Variants in BCAS3 observed in about 807,000 individuals in gnomAD.
BCAS3 encodes BCAS3 microtubule associated cell migration factor.
BCAS3 carries 53 observed loss-of-function variants against 116.1 expected under a neutral mutation model. The ratio of observed to expected loss-of-function variants is 0.46; its 90% CI spans 0.37 to 0.57. BCAS3 has a LOEUF of 0.57. BCAS3 is among the 20% of genes least tolerant of loss of function. The probability of loss-of-function intolerance (pLI) is 0.00; values close to 1 mark genes in which losing one functional copy is unlikely to be tolerated. For missense variants in BCAS3, 917 were observed against 1,165.4 expected, an observed-to-expected ratio of 0.79 and a Z score of 3.10; for synonymous variants, 391 against 408.2, an observed-to-expected ratio of 0.96 and a Z score of 0.51.
At position 61,104,051 on chromosome 17, in the gene BCAS3, AC is replaced by A. The variant is rs2074490528; in HGVS notation, c.2425+19488del. Among the ~76,000 whole-genome samples, 2 of 152,222 alleles carry A rather than the reference AC, an allele frequency of 1.3e-5. No individual in the cohort carries two copies. Among genetic ancestry groups the A allele is most frequent in the Non-Finnish European group, 2.9e-5 (2 of 68,032 alleles). ...CAAAGCTTTATAGCCTATTAGAAGC[AC>A]AGTGTGGATTTTTCTTATGATACGT... On this transcript the variant is annotated intron_variant, in intron 22 of 23. Coordinates refer to ENST00000407086, the MANE Select transcript of BCAS3 (RefSeq NM_017679.5). The surrounding 1 kb of genome is among the most constrained non-coding windows in gnomAD (Gnocchi z 4.1).
At chr17:60,814,296 T>TGCGC (rs755687591) in intron 7 of BCAS3, among the ~76,000 whole-genome samples, 1 of 124,484 alleles carries the variant, frequency 8.0e-6, no homozygotes, top group East Asian at 2.0e-4. Flanking sequence ...TGTGTGTGTG[T>TGCGC]GTGTGTGTGT....
At chr17:60,779,209 A>G (rs1399600831) in intron 6 of BCAS3, among the ~76,000 whole-genome samples, 1 of 152,060 alleles carries the variant, frequency 6.6e-6, no homozygotes, top group Non-Finnish European at 1.5e-5. Context: ...CCCCCAAAAC[A>G]AAATTCAGAA....
chr17:60,974,734 A>T (rs2062186454), intron 14 of BCAS3, among the ~76,000 whole-genome samples: 1 of 152,214 alleles, frequency 6.6e-6, no homozygotes, highest in South Asian at 2.1e-4. Context: ...TAAATTTGCA[A>T]AACATTTAAT....
intron 22 of BCAS3, among the ~76,000 whole-genome samples, chr17:61,166,001 A>G (rs1665724946): frequency 6.6e-6 from 1 of 152,226 alleles, no homozygotes; most frequent in Admixed American, 6.5e-5. Context: ...ACCAAGTGAC[A>G]CTACATAATT....
At chr17:61,108,637 G>T (rs375575210) in intron 22 of BCAS3, among the ~76,000 whole-genome samples, 1 of 147,764 alleles carries the variant, frequency 6.8e-6, no homozygotes. Context: ...TAGGCTTTTG[G>T]GGAACAGGTG....
intron 11 of BCAS3, 108 bp downstream of exon 11, chr17:60,902,811 C>G (rs963480744): frequency 1.1e-6 from 1 of 885,554 alleles, no homozygotes; most frequent in Admixed American, 2.5e-5. Context: ...TTGTACTTAT[C>G]CAATTTTAAA....
intron 19 of BCAS3, among the ~76,000 whole-genome samples, chr17:61,067,375 G>C (rs1047827036): frequency 2.1e-5 from 3 of 143,268 alleles, no homozygotes; most frequent in Non-Finnish European, 3.0e-5. Flanking sequence ...TCAAAGGTCA[G>C]CCCTAAAGCA....
At chr17:61,191,796 A>AAAAGAAAAGG (rs1160225580) in intron 22 of BCAS3, among the ~76,000 whole-genome samples, 21 of 151,862 alleles carry the variant, frequency 1.4e-4, no homozygotes, top group South Asian at 6.3e-4. Context: ...AAAAGAAAAG[A>AAAAGAAAAGG]AAAGAAAAGA....
intron 7 of BCAS3, among the ~76,000 whole-genome samples, chr17:60,814,361 AC>A: frequency 6.7e-6 from 1 of 149,276 alleles, no homozygotes; most frequent in East Asian, 2.0e-4. Context: ...CTCAGTTTGG[AC>A]GTTATTTGTA....
intron 22 of BCAS3, among the ~76,000 whole-genome samples, chr17:61,232,705 A>G (rs1440164581): frequency 6.6e-6 from 1 of 152,156 alleles, no homozygotes. Flanking sequence ...TGCAAATCCT[A>G]TTGTAGTCTT....
intron 14 of BCAS3, among the ~76,000 whole-genome samples, chr17:60,975,545 G>A (rs921335894): frequency 6.6e-6 from 1 of 152,048 alleles, no homozygotes; most frequent in Non-Finnish European, 1.5e-5. Context: ...GATTTGTTGA[G>A]GTATAATTCA....
chr17:60,889,914 G>A (rs1447633646), intron 10 of BCAS3, 143 bp downstream of exon 10: 3 of 742,418 alleles, frequency 4.0e-6, no homozygotes, highest in South Asian at 3.9e-5. Flanking sequence ...GGTTTTAATT[G>A]TGCAACTAAT....
Position 61,026,621 on chromosome 17 carries a change from G to A in BCAS3, c.1638-8045G>A, listed in dbSNP as rs950142056. On this transcript the variant is annotated intron_variant, in intron 16 of 23. Transcript: ENST00000407086. The surrounding 1 kb of genome is among the most constrained non-coding windows in gnomAD (Gnocchi z 5.0). ...TTTAACTTAGAAATACTACAGGGGTGCTCCAGAAAAGGGGGAGAAATAGAA... is the reference window on the plus strand; with the variant it reads ...TTTAACTTAGAAATACTACAGGGGTACTCCAGAAAAGGGGGAGAAATAGAA... Among the ~76,000 whole-genome samples the A allele has an allele frequency of 2.0e-5, 3 of 151,894 alleles. No individual in the cohort carries two copies. Among genetic ancestry groups the A allele is most frequent in the Admixed American group, 6.6e-5 (1 of 15,212 alleles).
At chr17:60,749,229 G>A (rs1396218216) in intron 6 of BCAS3, among the ~76,000 whole-genome samples, 1 of 152,182 alleles carries the variant, frequency 6.6e-6, no homozygotes, top group Non-Finnish European at 1.5e-5. Context: ...CTTCACTCTT[G>A]ATTGATTGTT....
In BCAS3 at chr17:60,683,701, G is replaced by A. The variant is rs142388900; in HGVS notation, c.84-281G>A. On this transcript the variant is annotated intron_variant, in intron 2 of 23. Coordinates refer to ENST00000407086, the MANE Select transcript of BCAS3 (RefSeq NM_017679.5). ...ACAAAAATTAGCTGGGCATGGTGGCGCATGTCTGTAGTCCCAGCTACTTGG... is the reference window on the plus strand; with the variant it reads ...ACAAAAATTAGCTGGGCATGGTGGCACATGTCTGTAGTCCCAGCTACTTGG... 7.8e-3 allele frequency among the ~76,000 whole-genome samples: 1,188 copies of A among 151,400 alleles called. 10 individuals are homozygous for A. Among genetic ancestry groups the A allele is most frequent in the African/African-American group, 0.027 (1,107 of 41,282 alleles).
intron 7 of BCAS3, chr17:60,851,538 A>T: frequency 1.6e-6 from 1 of 611,932 alleles, no homozygotes; most frequent in Non-Finnish European, 3.1e-6. Flanking sequence ...GTAAAGCTCT[A>T]CATGTTCTTC....
At chr17:60,996,120 A>G (rs930860574) in intron 15 of BCAS3, among the ~76,000 whole-genome samples, 4 of 152,138 alleles carry the variant, frequency 2.6e-5, no homozygotes, top group African/African-American at 9.7e-5. Flanking sequence ...ATGAGGGCAG[A>G]TGATTGTTAG....
At position 61,239,635 on chromosome 17, in the gene BCAS3, C is replaced by T. The variant is rs1292463822; in HGVS notation, c.2426-128692C>T. On this transcript the variant is annotated intron_variant, in intron 22 of 23. Coordinates refer to ENST00000407086, the MANE Select transcript of BCAS3 (RefSeq NM_017679.5). This position sits in a 1 kb window ranked among gnomAD's most constrained non-coding sequence, Gnocchi z 4.2. ...ATGTTTTAGGAGTAGCAGAGGATAA[C>T]ATGCAACTGTTAAGATCTAGATCAT... 6.6e-6 allele frequency among the ~76,000 whole-genome samples: 1 copy of T among 152,170 alleles called. No homozygotes were observed. Among genetic ancestry groups the T allele is most frequent in the African/African-American group, 2.4e-5 (1 of 41,450 alleles).
At chr17:60,839,001 GT>G (rs980649001) in intron 7 of BCAS3, among the ~76,000 whole-genome samples, 15 of 152,156 alleles carry the variant, frequency 9.9e-5, no homozygotes, top group Non-Finnish European at 1.5e-4. Context: ...ATGGTTTTTA[GT>G]GGAGGAAGAC....
Sources: gnomAD v4.1 joint callset for allele counts (sites outside exome capture counted in the v4.1 genomes callset) on GRCh38, gnomAD v4.1.1 for gene constraint, Gnocchi (gnomAD v3.1) non-coding constraint, MANE v1.5 for transcripts, NCBI Gene and HGNC (gene_info 2026-07-23, HGNC 2026-07-21) for gene names.